Variants in HTR1E observed in about 807,000 individuals in gnomAD.
HTR1E encodes 5-hydroxytryptamine receptor 1E, also known as 5-HT-1E.
A neutral mutation model predicts 3.4 loss-of-function variants in HTR1E; 3 were observed. The observed-to-expected ratio is 0.89, with a 90% CI of 0.41 to 2.31. The LOEUF is 2.31. HTR1E is among the 30% of genes most tolerant of loss of function. The pLI is 0.05. For synonymous variants in HTR1E, 170 were observed against 182.8 expected (o/e 0.93, Z 0.56); for missense variants, 392 against 467.0 (o/e 0.84, Z 1.48).
intron 1 of HTR1E, among the ~76,000 whole-genome samples, chr6:86,950,814 A>C (rs1767228183): frequency 6.6e-6 from 1 of 152,210 alleles, no homozygotes; most frequent in Admixed American, 6.5e-5. Flanking sequence ...TGGGGGTTAA[A>C]ATGCTATGAC....
At chr6:86,964,985 C>T (rs1330668694) in intron 1 of HTR1E, among the ~76,000 whole-genome samples, 3 of 152,192 alleles carry the variant, frequency 2.0e-5, no homozygotes, top group Non-Finnish European at 2.9e-5. Context: ...GTTGTTCGAG[C>T]TGTTGCTTCA....
At chr6:86,957,347 C>G (rs1477077566) in intron 1 of HTR1E, among the ~76,000 whole-genome samples, 1 of 152,158 alleles carries the variant, frequency 6.6e-6, no homozygotes, top group Non-Finnish European at 1.5e-5. Flanking sequence ...TTTATTTTAA[C>G]CTTTTAAAAA....
chr6:86,993,830 G>A (rs537828678), intron 1 of HTR1E, among the ~76,000 whole-genome samples: 30 of 152,130 alleles, frequency 2.0e-4, no homozygotes, highest in African/African-American at 7.2e-4. Context: ...AAAAAAATCT[G>A]CAGACGAAAA....
At chr6:86,979,302 A>AT (rs1767679833) in intron 1 of HTR1E, among the ~76,000 whole-genome samples, 1 of 152,234 alleles carries the variant, frequency 6.6e-6, no homozygotes, top group Non-Finnish European at 1.5e-5. Context: ...CCATAATCAT[A>AT]TGCAAATTTG....
intron 1 of HTR1E, among the ~76,000 whole-genome samples, chr6:86,946,030 C>A (rs1768611450): frequency 6.6e-6 from 1 of 152,198 alleles, no homozygotes; most frequent in Non-Finnish European, 1.5e-5. Flanking sequence ...TGAGCCACCA[C>A]ACCCGGCCTA....
At chr6:86,991,597 A>G (rs1310904643) in intron 1 of HTR1E, among the ~76,000 whole-genome samples, 1 of 152,164 alleles carries the variant, frequency 6.6e-6, no homozygotes, top group Non-Finnish European at 1.5e-5. Context: ...AAAACTAAAT[A>G]CTTTCAGCAG....
chr6:86,999,826 G>A (rs888125485), intron 1 of HTR1E, among the ~76,000 whole-genome samples: 2 of 152,192 alleles, frequency 1.3e-5, no homozygotes, highest in Non-Finnish European at 1.5e-5. Context: ...GTTAATAGCT[G>A]TGCTTGGCTA....
intron 1 of HTR1E, among the ~76,000 whole-genome samples, chr6:87,001,307 C>T (rs1768020511): frequency 2.0e-5 from 3 of 152,292 alleles, no homozygotes; most frequent in South Asian, 4.1e-4. Flanking sequence ...TAAGTCCTTA[C>T]TTACGGATAG....
intron 1 of HTR1E, among the ~76,000 whole-genome samples, chr6:87,009,075 T>C (rs1582284066): frequency 6.6e-6 from 1 of 152,052 alleles, no homozygotes; most frequent in East Asian, 1.9e-4. Flanking sequence ...TTTAATTTAT[T>C]TTTTTATTGA....
intron 1 of HTR1E, among the ~76,000 whole-genome samples, chr6:86,998,619 CA>C (rs1045450425): frequency 1.3e-5 from 2 of 151,782 alleles, no homozygotes; most frequent in African/African-American, 4.8e-5. Flanking sequence ...TTGTTACTGA[CA>C]AAATGTTTTA....
intron 1 of HTR1E, among the ~76,000 whole-genome samples, chr6:86,988,831 T>G (rs997704552): frequency 6.6e-6 from 1 of 152,014 alleles, no homozygotes; most frequent in African/African-American, 2.4e-5. Flanking sequence ...GAGTAGAAAA[T>G]AAGCCAAGAA....
At chr6:87,012,979 A>G (rs1768260125) in intron 1 of HTR1E, among the ~76,000 whole-genome samples, 1 of 152,246 alleles carries the variant, frequency 6.6e-6, no homozygotes, top group Non-Finnish European at 1.5e-5. Flanking sequence ...AAAGTAAATC[A>G]GGACTTATGA....
chr6:86,950,810 T>C (rs181917119), intron 1 of HTR1E, among the ~76,000 whole-genome samples: 1 of 152,214 alleles, frequency 6.6e-6, no homozygotes, highest in Non-Finnish European at 1.5e-5. Flanking sequence ...CCTTTGGGGG[T>C]TAAAATGCTA....
intron 1 of HTR1E, among the ~76,000 whole-genome samples, chr6:86,948,450 T>C (rs1767157299): frequency 6.6e-6 from 1 of 152,172 alleles, no homozygotes; most frequent in Admixed American, 6.5e-5. Context: ...GTTATCTTAG[T>C]AAAAGTAGCA....
intron 1 of HTR1E, among the ~76,000 whole-genome samples, chr6:86,961,333 TG>T (rs1767403917): frequency 6.6e-6 from 1 of 152,234 alleles, no homozygotes; most frequent in Non-Finnish European, 1.5e-5. Context: ...AGAAAATATA[TG>T]TTCATAATGT....
At chr6:86,971,012 A>C in intron 1 of HTR1E, 1 of 464,714 alleles carries the variant, frequency 2.2e-6, no homozygotes, top group South Asian at 1.7e-5. Flanking sequence ...TGCTTGGAGG[A>C]TCTGATTCAT....
chr6:87,005,262 A>G (rs1002130713), intron 1 of HTR1E, among the ~76,000 whole-genome samples: 2 of 152,218 alleles, frequency 1.3e-5, no homozygotes, highest in South Asian at 4.1e-4. Flanking sequence ...TGGAACCACA[A>G]AAGACCTAGA....
At chr6:87,010,169 G>A (rs1214431899) in intron 1 of HTR1E, among the ~76,000 whole-genome samples, 45 of 92,418 alleles carry the variant, frequency 4.9e-4, no homozygotes, top group African/African-American at 1.8e-3. Context: ...CGGACGGGGC[G>A]GCTGGCCGGG....
At chr6:86,956,555 A>G (rs139682327) in intron 1 of HTR1E, among the ~76,000 whole-genome samples, 1 of 152,252 alleles carries the variant, frequency 6.6e-6, no homozygotes, top group African/African-American at 2.4e-5. Flanking sequence ...GGACCAAACC[A>G]ATGTACACCT....
Sources: gnomAD v4.1 joint callset for allele counts (sites outside exome capture counted in the v4.1 genomes callset) on GRCh38, gnomAD v4.1.1 for gene constraint, MANE v1.5 for transcripts, NCBI Gene and HGNC (gene_info 2026-07-23, HGNC 2026-07-21) for gene names.